MROH1: variants seen among roughly 807,000 people sequenced by gnomAD.
MROH1 encodes maestro heat like repeat family member 1, also known as maestro heat-like repeat-containing protein family member 1.
Under a neutral mutation model 116.5 loss-of-function variants are expected in MROH1, and 117 were observed. The ratio of observed to expected loss-of-function variants is 1.00; its 90% CI spans 0.86 to 1.17. The LOEUF (loss-of-function observed/expected upper bound fraction) is 1.17, where lower values mean the gene tolerates loss of function less well. Among genes scored for constraint, MROH1 ranks in the 50% most tolerant of loss-of-function variants. The probability of loss-of-function intolerance (pLI) is 0.00; values close to 1 mark genes in which losing one functional copy is unlikely to be tolerated. For missense variants in MROH1, 1,873 were observed against 1,338.5 expected (o/e 1.40, Z -6.23); for synonymous variants, 921 against 583.9 (o/e 1.58, Z -8.32).
At chr8:144,159,800 C>T (rs1404872764) in intron 1 of MROH1, among the ~76,000 whole-genome samples, 5 of 137,134 alleles carry the variant, frequency 3.6e-5, no homozygotes, top group Non-Finnish European at 7.6e-5. Flanking sequence ...CGGAGTCTCG[C>T]TTTGTCGCCC....
intron 1 of MROH1, among the ~76,000 whole-genome samples, chr8:144,158,880 A>G (rs1275600007): frequency 6.6e-6 from 1 of 152,158 alleles, no homozygotes; most frequent in African/African-American, 2.4e-5. Context: ...CTGGGACTAC[A>G]GGCGCACGCC....
chr8:144,192,276 G>A, intron 9 of MROH1, 33 bp from the exon 10 acceptor site: 2 of 1,543,506 alleles, frequency 1.3e-6, no homozygotes, highest in Non-Finnish European at 1.7e-6. Flanking sequence ...GCTGGAGGTA[G>A]GACTGACGGC....
At chr8:144,240,211 G>A in intron 19 of MROH1, 58 bp downstream of exon 19, 1 of 706,880 alleles carries the variant, frequency 1.4e-6, no homozygotes, top group South Asian at 1.6e-5. Flanking sequence ...CCTGGGGGGT[G>A]CTGGGGTGGC....
chr8:144,250,029 C>T (rs1274602468), intron 32 of MROH1, among the ~76,000 whole-genome samples, 183 bp from the exon 33 acceptor site: 1 of 152,232 alleles, frequency 6.6e-6, no homozygotes, highest in Non-Finnish European at 1.5e-5. Context: ...GGCTCCAGTT[C>T]CTTGGCTTCT....
intron 13 of MROH1, among the ~76,000 whole-genome samples, chr8:144,220,891 C>T (rs1489671364): frequency 1.3e-5 from 2 of 152,198 alleles, no homozygotes; most frequent in South Asian, 2.1e-4. Flanking sequence ...CCTACACTGG[C>T]ACCAGTTATA....
intron 1 of MROH1, among the ~76,000 whole-genome samples, chr8:144,152,464 T>C (rs931418123): frequency 3.3e-5 from 5 of 152,114 alleles, no homozygotes; most frequent in African/African-American, 1.2e-4. Context: ...TTTTGGCTCA[T>C]TGCAACCTCT....
intron 4 of MROH1, among the ~76,000 whole-genome samples, chr8:144,171,982 C>T (rs921040838): frequency 3.9e-5 from 6 of 152,210 alleles, no homozygotes; most frequent in Non-Finnish European, 8.8e-5. Flanking sequence ...AACCAGCGAA[C>T]ATTAGGTTAA....
At chr8:144,230,515 TA>T (rs1838651635) in intron 14 of MROH1, among the ~76,000 whole-genome samples, 1 of 151,826 alleles carries the variant, frequency 6.6e-6, no homozygotes, top group Admixed American at 6.6e-5. Context: ...TTTTTTTTTT[TA>T]ATGATCTTTT....
chr8:144,186,194 C>T (rs1305333906), intron 7 of MROH1, among the ~76,000 whole-genome samples: 2 of 149,496 alleles, frequency 1.3e-5, no homozygotes, highest in Non-Finnish European at 3.0e-5. Flanking sequence ...GATCTTGGCT[C>T]ACTGCAACCT....
chr8:144,174,983 C>T, intron 4 of MROH1: 2 of 985,406 alleles, frequency 2.0e-6, no homozygotes, highest in Non-Finnish European at 2.4e-6. Context: ...ACTCACTTCT[C>T]CCTATTGTTT....
rs1189977471 is a variant in MROH1 at position 144,255,557 on chromosome 8, G to A, written c.3643G>A (p.Ala1215Thr). 85 of 779,360 alleles carry A rather than the reference G, an allele frequency of 1.1e-4. No individual in the cohort carries two copies. The highest frequency in any genetic ancestry group is 9.9e-4 in the South Asian group (74 of 74,576). The allele number at this position is 779,360 out of a possible 1,614,324, so 48.3% of individuals were successfully genotyped here. Residue 1215 changes from alanine (A) to threonine (T), a missense_variant, in exon 35 of 44, where the codon GCG becomes ACG. Transcript: ENST00000326134. ...CATGTCCACGCCTGCAGCGGGGCCC[G>A]CGGTGCTCGAGCTCTACCCCCAGCT... Reference protein sequence around the residue: ...EVMSTPAAGPAVLELYPQLFV... With the variant: ...EVMSTPAAGPTVLELYPQLFV...
intron 4 of MROH1, among the ~76,000 whole-genome samples, chr8:144,174,110 G>C (rs1823210945): frequency 1.3e-5 from 2 of 152,126 alleles, no homozygotes; most frequent in Non-Finnish European, 2.9e-5. Flanking sequence ...GTCTGCAAAA[G>C]AGGTTAAAGT....
chr8:144,183,259 G>A (rs924803822), intron 7 of MROH1, among the ~76,000 whole-genome samples: 1 of 150,724 alleles, frequency 6.6e-6, no homozygotes, highest in Non-Finnish European at 1.5e-5. Flanking sequence ...GCACATGCCT[G>A]TATTCCAGCT....
chr8:144,157,475 A>G (rs1818432216), intron 1 of MROH1, among the ~76,000 whole-genome samples: 1 of 152,136 alleles, frequency 6.6e-6, no homozygotes, highest in Non-Finnish European at 1.5e-5. Context: ...GAATTTGTGT[A>G]TAGTTGGTAT....
intron 14 of MROH1, 44 bp downstream of exon 14, chr8:144,223,274 C>A: frequency 6.4e-7 from 1 of 1,558,256 alleles, no homozygotes; most frequent in South Asian, 1.2e-5. Flanking sequence ...CCACGCTGCC[C>A]CTGGCCTGTG....
intron 14 of MROH1, among the ~76,000 whole-genome samples, chr8:144,230,487 C>T (rs921627899): frequency 1.4e-5 from 2 of 147,880 alleles, no homozygotes; most frequent in Non-Finnish European, 3.0e-5. Flanking sequence ...CCTCACTAAG[C>T]TTAATCATTT....
chr8:144,254,829 T>C lies in MROH1; in HGVS notation c.3445T>C (p.Trp1149Arg), dbSNP rs1843416548. The change falls in exon 34 of 44, where the codon TGG becomes CGG. Residue 1149 changes from tryptophan (W) to arginine (R), a missense_variant. Physicochemically the swap from Trp to Arg is moderately radical, Grantham distance 101. Transcript: ENST00000326134. ...CTGCTCCAGCCACACCTGCATGCTG[T>C]GGCGGGCGCTGGCGGTGGAGCCTCG... ...LPLDSHTCML[W>R]RALAVEPRLA... 2.6e-6 allele frequency: 2 copies of C among 775,348 alleles called. No individual in the cohort carries two copies. The highest frequency in any genetic ancestry group is 4.8e-6 in the Non-Finnish European group (2 of 416,366). The allele number at this position is 775,348 out of a possible 1,614,324, so 48.0% of individuals were successfully genotyped here.
At chr8:144,153,385 T>C (rs2130562993) in intron 1 of MROH1, among the ~76,000 whole-genome samples, 1 of 152,036 alleles carries the variant, frequency 6.6e-6, no homozygotes, top group African/African-American at 2.4e-5. Context: ...TTAGTAGAGA[T>C]GGCGTTTCAC....
At chr8:144,232,783 G>A (rs1246476392) in intron 14 of MROH1, among the ~76,000 whole-genome samples, 2 of 150,290 alleles carry the variant, frequency 1.3e-5, no homozygotes, top group South Asian at 2.1e-4. Context: ...GTGAGCCACC[G>A]CACCTGGCCT....
Sources: gnomAD v4.1 joint callset for allele counts (sites outside exome capture counted in the v4.1 genomes callset) on GRCh38, gnomAD v4.1.1 for gene constraint, MANE v1.5 for transcripts, NCBI Gene and HGNC (gene_info 2026-07-23, HGNC 2026-07-21) for gene names.